GPC5: variants seen among roughly 807,000 people sequenced by gnomAD.
The protein encoded by GPC5 is glypican-5.
GPC5 carries 47 observed loss-of-function variants against 53.9 expected under a neutral mutation model. The ratio of observed to expected loss-of-function variants is 0.87; its 90% CI spans 0.69 to 1.11. The LOEUF (loss-of-function observed/expected upper bound fraction) is 1.11. GPC5 is among the 50% of genes most tolerant of loss of function. GPC5 has a pLI of 0.00. For synonymous variants in GPC5, 286 were observed against 263.3 expected, an observed-to-expected ratio of 1.09 and a Z score of -0.84; for missense variants, 748 against 713.1, an observed-to-expected ratio of 1.05 and a Z score of -0.56.
At chr13:92,655,387 T>A (rs1217117380) in intron 7 of GPC5, among the ~76,000 whole-genome samples, 1 of 152,054 alleles carries the variant, frequency 6.6e-6, no homozygotes, top group Non-Finnish European at 1.5e-5. Context: ...CAGGCTGGCA[T>A]GCAATGGCAC....
intron 5 of GPC5, among the ~76,000 whole-genome samples, chr13:91,886,850 C>A (rs1187653423): frequency 1.3e-5 from 2 of 152,214 alleles, no homozygotes; most frequent in African/African-American, 4.8e-5. Flanking sequence ...CAGGGTACAG[C>A]CTCCCTCCTG....
At chr13:91,811,594 C>T (rs1299940091) in intron 5 of GPC5, among the ~76,000 whole-genome samples, 1 of 152,048 alleles carries the variant, frequency 6.6e-6, no homozygotes, top group Non-Finnish European at 1.5e-5. Context: ...AATTTTATAA[C>T]CACTCCTATC....
intron 6 of GPC5, among the ~76,000 whole-genome samples, chr13:91,932,841 T>C (rs991477012): frequency 2.0e-5 from 3 of 152,002 alleles, no homozygotes; most frequent in Non-Finnish European, 2.9e-5. Context: ...GAGGTTAGAC[T>C]GCATTTCTCT....
chr13:92,128,039 A>G (rs370806165), intron 6 of GPC5, among the ~76,000 whole-genome samples: 14 of 152,202 alleles, frequency 9.2e-5, no homozygotes, highest in African/African-American at 3.1e-4. Flanking sequence ...AGGTGAAGGG[A>G]TGTTTCTGAG....
At chr13:92,385,506 A>ATATATGCATATATGCATATATG (rs1482818987) in intron 7 of GPC5, among the ~76,000 whole-genome samples, 3 of 133,130 alleles carry the variant, frequency 2.3e-5, no homozygotes, top group African/African-American at 8.6e-5. Flanking sequence ...ACATACATAT[A>ATATATGCATATATGCATATATG]CATATATACA....
At chr13:92,690,603 C>T (rs1440757495) in intron 7 of GPC5, among the ~76,000 whole-genome samples, 1 of 144,952 alleles carries the variant, frequency 6.9e-6, no homozygotes, top group African/African-American at 2.6e-5. Context: ...TGTTCTGTTG[C>T]TGGTGAGGAA....
intron 2 of GPC5, among the ~76,000 whole-genome samples, chr13:91,538,705 C>T (rs1012181157): frequency 6.6e-6 from 1 of 151,202 alleles, no homozygotes; most frequent in African/African-American, 2.4e-5. Context: ...GCCTCAGCCT[C>T]CTGAGTAGCT....
At chr13:92,812,923 T>C (rs1436146124) in intron 7 of GPC5, among the ~76,000 whole-genome samples, 1 of 151,890 alleles carries the variant, frequency 6.6e-6, no homozygotes, top group Non-Finnish European at 1.5e-5. Flanking sequence ...TCTCAGAACT[T>C]CTCTAAATAA....
At chr13:91,823,049 G>A (rs2038520759) in intron 5 of GPC5, among the ~76,000 whole-genome samples, 1 of 152,082 alleles carries the variant, frequency 6.6e-6, no homozygotes, top group Admixed American at 6.6e-5. Context: ...CTAAACCAAT[G>A]TAGAGACCAA....
chr13:92,084,251 C>T (rs958928432), intron 6 of GPC5, among the ~76,000 whole-genome samples: 2 of 152,182 alleles, frequency 1.3e-5, no homozygotes, highest in South Asian at 2.1e-4. Flanking sequence ...CAAACCTGCA[C>T]GTCCTGCACA....
chr13:92,242,197 C>G (rs993708326), intron 7 of GPC5, among the ~76,000 whole-genome samples: 7 of 147,400 alleles, frequency 4.7e-5, no homozygotes, highest in Admixed American at 1.4e-4. Flanking sequence ...TGCACCATTG[C>G]ACTCCAGCCT....
At chr13:92,321,602 AACATACATACATACATACATACAT>A (rs34397471) in intron 7 of GPC5, among the ~76,000 whole-genome samples, 1 of 150,520 alleles carries the variant, frequency 6.6e-6, no homozygotes, top group Non-Finnish European at 1.5e-5. Flanking sequence ...CTCCATCTCA[AACATACATACATACATACATACAT>A]ACATACATAC....
intron 7 of GPC5, among the ~76,000 whole-genome samples, chr13:92,525,487 C>T (rs1418053220): frequency 1.2e-5 from 1 of 83,470 alleles, no homozygotes; most frequent in Non-Finnish European, 2.8e-5. Context: ...TGTGAAACAA[C>T]CAGAAAAGCT....
At position 92,763,419 on chromosome 13, in the gene GPC5, CGTGGCAGTGGCAGT is replaced by C. The variant is rs1875271156; in HGVS notation, c.1562-102860_1562-102847del. 2.6e-5 allele frequency among the ~76,000 whole-genome samples: 4 copies of C among 152,234 alleles called. No individual in the cohort carries two copies. The East Asian group carries it at 5.8e-4, about 22-fold the overall frequency. On this transcript the variant is annotated intron_variant, in intron 7 of 7. Transcript: ENST00000377067. ...ATGGGTGGCCTACGCTGCAGAAGTT[CGTGGCAGTGGCAGT>C]GTAGGTTGTTGGGGTGCTTAGTGAC...
rs1334068817 is a variant in GPC5, at chr13:91,693,068, G to T, written c.326-119G>T. The T allele has an allele frequency of 5.4e-6, 4 of 747,010 alleles. No homozygotes were observed. In the Admixed American group the frequency reaches 1.2e-4, roughly 22 times the overall value. The allele number at this position is 747,010 out of a possible 1,614,324, so 46.3% of individuals were successfully genotyped here. The stretch of plus-strand genomic sequence containing the variant: ...AAAGCTGAATTTGGTTGAGTAGGCT[G>T]AGAGTTACAATTTAGATACTTAGAT... On this transcript the variant is annotated intron_variant, in intron 2 of 7. Coordinates refer to ENST00000377067, the MANE Select transcript of GPC5 (RefSeq NM_004466.6).
At chr13:92,342,360 T>C (rs558518067) in intron 7 of GPC5, among the ~76,000 whole-genome samples, 4 of 152,156 alleles carry the variant, frequency 2.6e-5, no homozygotes, top group Non-Finnish European at 4.4e-5. Flanking sequence ...TGCTACGGTC[T>C]AAATGTTTGT....
At chr13:91,403,258 T>C (rs1020204786) in intron 1 of GPC5, among the ~76,000 whole-genome samples, 1 of 152,164 alleles carries the variant, frequency 6.6e-6, no homozygotes, top group Non-Finnish European at 1.5e-5. Context: ...GGAAACAAGA[T>C]TGTAGTAAAA....
chr13:92,264,141 T>G (rs2042784702), intron 7 of GPC5, among the ~76,000 whole-genome samples: 1 of 152,146 alleles, frequency 6.6e-6, no homozygotes, highest in Admixed American at 6.6e-5. Flanking sequence ...GCTATCATAT[T>G]TAAAAGTACT....
chr13:91,929,967 T>C (rs1419463552), intron 6 of GPC5, among the ~76,000 whole-genome samples: 8 of 152,222 alleles, frequency 5.3e-5, no homozygotes, highest in East Asian at 1.9e-4. Flanking sequence ...AATGCTGTTA[T>C]GTAAGAACAA....
Sources: gnomAD v4.1 joint callset for allele counts (sites outside exome capture counted in the v4.1 genomes callset) on GRCh38, gnomAD v4.1.1 for gene constraint, MANE v1.5 for transcripts, NCBI Gene and HGNC (gene_info 2026-07-23, HGNC 2026-07-21) for gene names.